SCN3A: variants seen among roughly 807,000 people sequenced by gnomAD.
SCN3A encodes the protein sodium voltage-gated channel alpha subunit 3.
Under a neutral mutation model 187.6 loss-of-function variants are expected in SCN3A, and 60 were observed. That is an observed-to-expected ratio of 0.32 (90% CI 0.26 to 0.40). The LOEUF is 0.40. SCN3A is among the 10% of genes least tolerant of loss of function. The pLI is 1.00. For missense variants in SCN3A, 1,601 were observed against 2,428.2 expected, an observed-to-expected ratio of 0.66 and a Z score of 7.16; for synonymous variants, 788 against 829.2, an observed-to-expected ratio of 0.95 and a Z score of 0.85.
intron 3 of SCN3A, among the ~76,000 whole-genome samples, chr2:165,175,844 G>T (rs1308583217): frequency 6.6e-6 from 1 of 151,792 alleles, no homozygotes; most frequent in African/African-American, 2.4e-5. Flanking sequence ...AGCCATAACA[G>T]ATATTTCACT....
intron 6 of SCN3A, chr2:165,163,983 G>T: frequency 1.7e-6 from 2 of 1,204,430 alleles, no homozygotes; most frequent in Non-Finnish European, 2.4e-6. Context: ...AGAGCCCTGT[G>T]AGTTTAACAA....
At chr2:165,203,481 A>T (rs1263219974) in intron 1 of SCN3A, among the ~76,000 whole-genome samples, 2 of 152,092 alleles carry the variant, frequency 1.3e-5, no homozygotes, top group Non-Finnish European at 2.9e-5. Context: ...CACACTGGGC[A>T]TTTAAATAGA....
At position 165,140,707 on chromosome 2, in the gene SCN3A, A is replaced by G. The variant is rs200944212; in HGVS notation, c.1963T>C (p.Ser655Pro). ...AGAGCTGAAGGTCCACCCACCAAGG[A>G]AACCACACCATTGCAATCCACAGTG... ...HSTVDCNGVV[S>P]LVGGPSALTS... Residue 655 changes from serine to proline, a missense_variant, in exon 13 of 28, where the codon TCC becomes CCC. Physicochemically the swap from Ser to Pro is moderately conservative, Grantham distance 74. Transcript: ENST00000283254. The surrounding 1 kb of genome is among the most constrained non-coding windows in gnomAD (Gnocchi z 4.2). The G allele has an allele frequency of 5.0e-6, 8 of 1,614,016 alleles. No homozygotes were observed. Among genetic ancestry groups the G allele is most frequent in the Non-Finnish European group, 5.9e-6 (7 of 1,179,986 alleles).
chr2:165,094,606 C>G, intron 25 of SCN3A, 128 bp from the exon 26 acceptor site: 1 of 676,710 alleles, frequency 1.5e-6, no homozygotes, highest in South Asian at 1.7e-5. Flanking sequence ...TACATTTATC[C>G]TGCTTTTCCC....
At chr2:165,136,474 CACA>C (rs1333402973) in intron 15 of SCN3A, among the ~76,000 whole-genome samples, 1 of 152,152 alleles carries the variant, frequency 6.6e-6, no homozygotes, top group Admixed American at 6.5e-5. Flanking sequence ...ATGTGACCTT[CACA>C]ACAACTCTGC....
chr2:165,143,367 G>A (rs960988240), intron 12 of SCN3A, among the ~76,000 whole-genome samples: 10 of 152,170 alleles, frequency 6.6e-5, no homozygotes, highest in African/African-American at 2.4e-4. Flanking sequence ...TATGTGGTAC[G>A]TGTGTACATC....
chr2:165,181,833 G>A (rs1690896640), intron 2 of SCN3A, among the ~76,000 whole-genome samples: 1 of 152,174 alleles, frequency 6.6e-6, no homozygotes, highest in Non-Finnish European at 1.5e-5. Flanking sequence ...TCAGTATGCA[G>A]TCAAATACTT....
chr2:165,162,231 C>T, intron 9 of SCN3A, 77 bp downstream of exon 9: 4 of 1,288,154 alleles, frequency 3.1e-6, no homozygotes, highest in South Asian at 1.2e-5. Context: ...ACACATATAA[C>T]CATGTAGTTG....
At chr2:165,162,284 T>TA in intron 9 of SCN3A, 24 bp downstream of exon 9, 1 of 1,601,502 alleles carries the variant, frequency 6.2e-7, no homozygotes, top group Non-Finnish European at 8.5e-7. Context: ...TTCTATATCT[T>TA]AAAAAATATA....
Position 165,089,312 on chromosome 2 carries a change from G to C in SCN3A, c.*838C>G, listed in dbSNP as rs1175041457. 1 of 152,584 alleles carries C rather than the reference G, an allele frequency of 6.6e-6. No individual in the cohort carries two copies. The highest frequency in any genetic ancestry group is 2.4e-5 in the African/African-American group (1 of 41,448). 9.5% of individuals were successfully genotyped at this position (152,584 alleles called of 1,614,324 possible). A position where few individuals can be genotyped will look rare whatever the true frequency, so the allele number is the denominator to read the frequency against. The stretch of plus-strand genomic sequence containing the variant: ...AAGATGGCAAAGCAATACTGCAGCA[G>C]AAAGTGGAACAACTATTCTAAAGCA... On this transcript the variant is annotated 3_prime_UTR_variant, in exon 28 of 28. Coordinates refer to ENST00000283254, the MANE Select transcript of SCN3A (RefSeq NM_006922.4).
At chr2:165,119,745 C>G (rs1047425589) in intron 18 of SCN3A, 1 of 152,062 alleles carries the variant, frequency 6.6e-6, no homozygotes. Context: ...TAAAGAATAA[C>G]TTACTTTCTT....
intron 1 of SCN3A, among the ~76,000 whole-genome samples, chr2:165,202,894 A>T (rs1449991356): frequency 1.3e-5 from 2 of 151,992 alleles, no homozygotes; most frequent in South Asian, 4.1e-4. Flanking sequence ...CTTATCTTTC[A>T]ATTAATATGT....
intron 15 of SCN3A, among the ~76,000 whole-genome samples, chr2:165,136,681 A>G (rs935246681): frequency 2.6e-5 from 4 of 152,216 alleles, no homozygotes; most frequent in African/African-American, 9.6e-5. Flanking sequence ...GTTATCAACC[A>G]GTGGGTTATT....
At chr2:165,116,461 A>G (rs1455046739) in intron 18 of SCN3A, among the ~76,000 whole-genome samples, 1 of 152,222 alleles carries the variant, frequency 6.6e-6, no homozygotes, top group Non-Finnish European at 1.5e-5. Flanking sequence ...TTATGAAAAC[A>G]GTTGCAAAGA....
In SCN3A at chr2:165,087,835, T is replaced by C. The variant is rs1256606510; in HGVS notation, c.*2315A>G. 6.6e-5 allele frequency: 10 copies of C among 152,172 alleles called. No individual in the cohort carries two copies. 9.4% of individuals were successfully genotyped at this position (152,172 alleles called of 1,614,324 possible). ...TTGAAAGAAGATGAGTTTAGATGCT[T>C]ATAGCCAAGGGAGTTAATTGAAATT... is the stretch of plus-strand genomic sequence containing the variant. On this transcript the variant is annotated 3_prime_UTR_variant, in exon 28 of 28. Coordinates refer to ENST00000283254, the MANE Select transcript of SCN3A (RefSeq NM_006922.4).
At chr2:165,097,672 C>G (rs1377446664) in intron 22 of SCN3A, 148 bp from the exon 23 acceptor site, 6 of 1,022,536 alleles carry the variant, frequency 5.9e-6, no homozygotes, top group Non-Finnish European at 8.7e-6. Flanking sequence ...TTTTCTAGCA[C>G]ATATTTGAAG....
intron 22 of SCN3A, among the ~76,000 whole-genome samples, chr2:165,100,005 G>A (rs1422211767): frequency 1.3e-5 from 2 of 152,168 alleles, no homozygotes; most frequent in Non-Finnish European, 2.9e-5. Flanking sequence ...ATTTCAAGGG[G>A]TGTAAGCAAT....
At position 165,088,679 on chromosome 2, in the gene SCN3A, AG is replaced by A. The variant is rs1684944593; in HGVS notation, c.*1470del. ...ATTGTGATTAAAAATCAAAAGCAAA[AG>A]CATAAAGTAAAATAAATTGTGATGT... On this transcript the variant is annotated 3_prime_UTR_variant, in exon 28 of 28. Transcript: ENST00000283254. 6.6e-6 allele frequency: 1 copy of A among 152,600 alleles called. No homozygotes were observed. Among genetic ancestry groups the A allele is most frequent in the Non-Finnish European group, 1.5e-5 (1 of 67,974 alleles). The allele number at this position is 152,600 out of a possible 1,614,324, so 9.5% of individuals were successfully genotyped here. A position where few individuals can be genotyped will look rare whatever the true frequency, so the allele number is the denominator to read the frequency against.
intron 20 of SCN3A, 95 bp downstream of exon 20, chr2:165,113,721 C>A: frequency 7.3e-7 from 1 of 1,373,120 alleles, no homozygotes. Context: ...TATGCCTTTT[C>A]TTTTGATTCT....
Sources: allele counts gnomAD v4.1 joint callset (sites outside exome capture counted in the v4.1 genomes callset), GRCh38; gene constraint gnomAD v4.1.1; non-coding constraint Gnocchi (gnomAD v3.1); transcripts MANE v1.5; gene names NCBI Gene and HGNC (gene_info 2026-07-23, HGNC 2026-07-21).